MMS19: variants seen among roughly 807,000 people sequenced by gnomAD.
MMS19 encodes the protein MMS19 cytosolic iron-sulfur assembly component.
Under a neutral mutation model 129.8 loss-of-function variants are expected in MMS19, and 77 were observed. The ratio of observed to expected loss-of-function variants is 0.59; its 90% CI spans 0.49 to 0.72. MMS19 has a LOEUF of 0.72. Among genes scored for constraint, MMS19 ranks in the 30% least tolerant of loss-of-function variants. MMS19 has a pLI of 0.00. For missense variants in MMS19, 1,168 were observed against 1,266.3 expected (o/e 0.92, Z 1.18); for synonymous variants, 491 against 502.8 (o/e 0.98, Z 0.31).
chr10:97,466,422 A>G, intron 16 of MMS19, 82 bp downstream of exon 16: 6 of 1,140,654 alleles, frequency 5.3e-6, no homozygotes, highest in Non-Finnish European at 7.9e-6. Flanking sequence ...AGAAGCACAG[A>G]GCCCTGGTCC....
rs765787709 is a variant in MMS19, at chr10:97,461,935, T to C, written c.2116-39A>G. The stretch of plus-strand genomic sequence containing the variant: ...AGAGCCCGATCAAGCCTGCCAGCAA[T>C]AAGCTTGTCTGCCCCTCTACCCATT... On this transcript the variant is annotated intron_variant, in intron 21 of 30. Transcript: ENST00000438925. 7.0e-6 allele frequency: 11 copies of C among 1,579,026 alleles called. No individual in the cohort carries two copies. In the Admixed American group the frequency reaches 7.4e-5, roughly 11 times the overall value.
chr10:97,462,497 C>G, intron 20 of MMS19, 86 bp downstream of exon 20: 1 of 926,356 alleles, frequency 1.1e-6, no homozygotes, highest in Non-Finnish European at 1.7e-6. Flanking sequence ...GGTAAAAGGA[C>G]AGCTGACAAG....
intron 3 of MMS19, chr10:97,480,405 A>G (rs1292004769): frequency 2.3e-6 from 1 of 435,962 alleles, no homozygotes; most frequent in South Asian, 1.7e-5. Context: ...ACCAGGCTAT[A>G]GTTTGCCTAC....
intron 24 of MMS19, 30 bp downstream of exon 24, chr10:97,460,877 G>A: frequency 6.5e-7 from 1 of 1,549,672 alleles, no homozygotes; most frequent in Non-Finnish European, 8.8e-7. Flanking sequence ...TTGCCTCTCT[G>A]GCTAACCAGA....
At chr10:97,486,863 A>C (rs1468373838) in intron 1 of MMS19, among the ~76,000 whole-genome samples, 2 of 10,034 alleles carry the variant, frequency 2.0e-4, no homozygotes, top group Non-Finnish European at 3.8e-4. Context: ...TTAAAGTGCC[A>C]TATATATATA....
At chr10:97,484,020 A>G (rs573520215) in intron 2 of MMS19, 83 bp downstream of exon 2, 7 of 866,442 alleles carry the variant, frequency 8.1e-6, no homozygotes, top group South Asian at 7.7e-5. Flanking sequence ...TTCAGGCTCC[A>G]GGAAAGCAGC....
intron 8 of MMS19, among the ~76,000 whole-genome samples, chr10:97,471,800 C>T (rs780855950): frequency 5.9e-5 from 9 of 152,148 alleles, no homozygotes; most frequent in Non-Finnish European, 5.9e-5. Flanking sequence ...CGTAAGCCAC[C>T]GAACCTGGCC....
intron 1 of MMS19, among the ~76,000 whole-genome samples, chr10:97,497,525 T>TC (rs2040018908): frequency 6.6e-6 from 1 of 151,936 alleles, no homozygotes; most frequent in Non-Finnish European, 1.5e-5. Flanking sequence ...TTTAGTAGTT[T>TC]TTTTTTTTTC....
At chr10:97,486,840 G>T (rs2037925084) in intron 1 of MMS19, among the ~76,000 whole-genome samples, 1 of 113,862 alleles carries the variant, frequency 8.8e-6, no homozygotes, top group Non-Finnish European at 1.9e-5. Context: ...AACTAGATAA[G>T]CTTATCCTGA....
intron 1 of MMS19, among the ~76,000 whole-genome samples, chr10:97,496,784 T>G (rs2039875960): frequency 6.6e-6 from 1 of 152,210 alleles, no homozygotes; most frequent in African/African-American, 2.4e-5. Flanking sequence ...TATTCCATTT[T>G]ACATCAAAAT....
intron 2 of MMS19, 147 bp downstream of exon 2, chr10:97,483,956 T>C (rs1276106613): frequency 1.2e-5 from 6 of 521,154 alleles, no homozygotes; most frequent in Non-Finnish European, 2.1e-5. Context: ...TTCAAACATA[T>C]AGGCTTAGAC....
chr10:97,480,669 T>C (rs1026736575), intron 3 of MMS19, among the ~76,000 whole-genome samples: 6 of 152,028 alleles, frequency 3.9e-5, no homozygotes, highest in Non-Finnish European at 8.8e-5. Context: ...GCAACTTCCA[T>C]CTCCTGGGTT....
In MMS19 at chr10:97,481,011, G is replaced by T; in HGVS notation, c.193C>A (p.Arg65=). The change falls in exon 3 of 31, where the codon CGG becomes AGG. Residue 65 remains arginine (R), a synonymous_variant. Coordinates refer to ENST00000438925, the MANE Select transcript of MMS19 (RefSeq NM_022362.5). ...SSLENPEPRT[R]ARAIQLLSQV... ...GACAAAAGCTGGATTGCTCGTGCCC[G>T]AGTTCGGGGTTCTGGATTCTCTAGA... The T allele has an allele frequency of 6.2e-7, 1 of 1,608,114 alleles. No individual in the cohort carries two copies. Among genetic ancestry groups the T allele is most frequent in the East Asian group, 2.2e-5 (1 of 44,780 alleles).
intron 1 of MMS19, among the ~76,000 whole-genome samples, chr10:97,496,840 T>C (rs1362707510): frequency 6.6e-6 from 1 of 152,170 alleles, no homozygotes; most frequent in Non-Finnish European, 1.5e-5. Context: ...CCAAAGTATT[T>C]AAAGGAAAGT....
intron 1 of MMS19, among the ~76,000 whole-genome samples, chr10:97,485,203 G>T (rs1156826807): frequency 6.6e-6 from 1 of 151,888 alleles, no homozygotes; most frequent in South Asian, 2.1e-4. Context: ...ATCTCGGCTT[G>T]CTGCAACCTC....
In MMS19 at chr10:97,470,785, C is replaced by T. The variant is rs201599275; in HGVS notation, c.761G>A (p.Arg254Gln). ...SLRAVLASTP[R>Q]FAEFLLPLLI... ...CTTGGCTAGACCCACCTCAGCAAATCGTGGTGTAGAAGCCAGCACAGCGCG... is the reference window on the plus strand; with the variant it reads ...CTTGGCTAGACCCACCTCAGCAAATTGTGGTGTAGAAGCCAGCACAGCGCG... The change falls in exon 9 of 31, where the codon CGA (arginine) becomes CAA (glutamine). Residue 254 changes from arginine to glutamine, a missense_variant. Physicochemically the swap from Arg to Gln is conservative, Grantham distance 43 (BLOSUM62 1). Around this residue, in one of 3 missense-constraint regions of MMS19, gnomAD observed 329 missense variants for 328.6 expected, o/e 1.00. Transcript: ENST00000438925. The T allele has an allele frequency of 6.2e-6, 10 of 1,612,336 alleles. No individual in the cohort carries two copies. In the East Asian group the frequency reaches 8.9e-5, roughly 14 times the overall value.
In MMS19 at chr10:97,460,785, T is replaced by C. The variant is rs1290535020; in HGVS notation, c.2413-34A>G. The C allele has an allele frequency of 2.5e-6, 4 of 1,576,974 alleles. No homozygotes were observed. In the African/African-American group the frequency reaches 5.4e-5, roughly 21 times the overall value. ...GGAGACAGAGAGAGCAATTGGGGAA[T>C]GACACTCAAACCCGAGAACCCTGAG... On this transcript the variant is annotated intron_variant, in intron 24 of 30. Coordinates refer to ENST00000438925, the MANE Select transcript of MMS19 (RefSeq NM_022362.5).
intron 1 of MMS19, among the ~76,000 whole-genome samples, chr10:97,488,962 T>C (rs11812606): frequency 6.6e-6 from 1 of 152,232 alleles, no homozygotes; most frequent in Non-Finnish European, 1.5e-5. Context: ...TAATCTTTTT[T>C]ATTTTTATTT....
chr10:97,466,673 T>C, intron 15 of MMS19, 88 bp from the exon 16 acceptor site: 1 of 1,588,954 alleles, frequency 6.3e-7, no homozygotes, highest in Non-Finnish European at 8.6e-7. Context: ...TCCCAAATCA[T>C]CCAGAGTTGC....
Sources: gnomAD v4.1 joint callset for allele counts (sites outside exome capture counted in the v4.1 genomes callset) on GRCh38, gnomAD v4.1.1 for gene constraint, gnomAD v4.1.1 regional missense constraint, MANE v1.5 for transcripts, NCBI Gene and HGNC (gene_info 2026-07-23, HGNC 2026-07-21) for gene names.